The following RANBP2 variants were observed in gnomAD, a reference collection of about 807,000 sequenced individuals.
RANBP2 encodes E3 SUMO-protein ligase RanBP2.
In RANBP2, 57 loss-of-function variants were observed where a neutral mutation model predicts 303.6. The ratio of observed to expected loss-of-function variants is 0.19; its 90% confidence interval spans 0.15 to 0.23. The LOEUF is 0.23. RANBP2 is among the 10% of genes least tolerant of loss of function. The pLI, the probability that RANBP2 is intolerant of heterozygous loss-of-function variation, is 1.00. For missense variants in RANBP2, 3,138 were observed against 3,780.8 expected (o/e 0.83, Z 4.46); for synonymous variants, 1,167 against 1,301.5 (o/e 0.90, Z 2.23).
chr2:109,320,715 G>A, the RANBP2 span, among the ~76,000 whole-genome samples: 36,759 of 152,130 alleles, frequency 0.24, 5,494 homozygotes, highest in East Asian at 0.66. Context: ...TATCAGCCCC[G>A]CAGATGAACA....
the RANBP2 span, among the ~76,000 whole-genome samples, chr2:109,581,186 T>C: frequency 3.9e-5 from 6 of 152,164 alleles, no homozygotes; most frequent in African/African-American, 1.4e-4. Flanking sequence ...ACGCCTGTAA[T>C]CCCAGCACTT....
At position 108,766,733 on chromosome 2, in the gene RANBP2, A is replaced by G; in HGVS notation, c.6194A>G (p.Asn2065Ser). 1 of 1,612,004 alleles carries G rather than the reference A, an allele frequency of 6.2e-7. No individual in the cohort carries two copies. Residue 2065 changes from asparagine to serine, a missense_variant, in exon 20 of 29, where the codon AAC becomes AGC. Asn to Ser is a conservative substitution (Grantham distance 46). This residue lies in a region of RANBP2 where 103 missense variants were observed against 214.3 expected (regional missense o/e 0.48). Transcript: ENST00000283195. ...RGLGNLKILK[N>S]EVNGKLRMLM... Reference sequence around the variant, plus strand: ...TTGGGGAACTTAAAAATTCTCAAAAACGAGGTCAATGGCAAACTAAGAATG... The same window carrying G: ...TTGGGGAACTTAAAAATTCTCAAAAGCGAGGTCAATGGCAAACTAAGAATG...
chr2:109,408,643 A>G, the RANBP2 span, among the ~76,000 whole-genome samples: 2 of 152,350 alleles, frequency 1.3e-5, no homozygotes, highest in Admixed American at 1.3e-4. Context: ...AATGCCCCGC[A>G]CTGGCACTCT....
chr2:108,806,243 A>T, the RANBP2 span, among the ~76,000 whole-genome samples: 1 of 152,160 alleles, frequency 6.6e-6, no homozygotes, highest in Non-Finnish European at 1.5e-5. Flanking sequence ...GCTCTTTCTC[A>T]TTACAGTCTC....
the RANBP2 span, chr2:108,816,139 A>G: frequency 6.7e-7 from 1 of 1,491,622 alleles, no homozygotes; most frequent in Non-Finnish European, 9.2e-7. Context: ...GTGATTCAGA[A>G]TATATGAAGA....
the RANBP2 span, among the ~76,000 whole-genome samples, chr2:109,142,187 T>C: frequency 6.6e-6 from 1 of 152,156 alleles, no homozygotes; most frequent in African/African-American, 2.4e-5. Context: ...TCCAGCCCCC[T>C]GGGCGGACTC....
the RANBP2 span, among the ~76,000 whole-genome samples, chr2:109,606,426 A>G: frequency 6.6e-6 from 1 of 152,150 alleles, no homozygotes; most frequent in Non-Finnish European, 1.5e-5. Flanking sequence ...AAAACAAAAA[A>G]TAAAAAATAA....
At position 108,783,746 on chromosome 2, in the gene RANBP2, A is replaced by G; in HGVS notation, c.9520A>G (p.Ile3174Val). ...GAATACCAATAATTCTCAATTTGTTATAACACTGAAGAAAGCAGAACATTT... is the reference window on the plus strand; with the variant it reads ...GAATACCAATAATTCTCAATTTGTTGTAACACTGAAGAAAGCAGAACATTT... ...GQNTNNSQFVITLKKAEHLDF... is the reference protein window; with the variant it reads ...GQNTNNSQFVVTLKKAEHLDF... The change falls in exon 29 of 29, where the codon ATA becomes GTA. Residue 3174 changes from isoleucine (I) to valine (V), a missense_variant. Physicochemically the swap from Ile to Val is conservative, Grantham distance 29 (BLOSUM62 3). Coordinates refer to ENST00000283195, the MANE Select transcript of RANBP2 (RefSeq NM_006267.5). The G allele has an allele frequency of 5.0e-6, 8 of 1,613,418 alleles. No homozygotes were observed. The highest frequency in any genetic ancestry group is 6.8e-6 in the Non-Finnish European group (8 of 1,179,372).
At chr2:109,629,345 ATATATATATATTTTTT>A in the RANBP2 span, among the ~76,000 whole-genome samples, 92 of 6,618 alleles carry the variant, frequency 0.014, 2 homozygotes, top group African/African-American at 0.046. Context: ...ATATATATAT[ATATATATATATTTTTT>A]TTTTTTTTTT....
the RANBP2 span, among the ~76,000 whole-genome samples, chr2:109,682,776 T>TA: frequency 1.3e-5 from 2 of 152,114 alleles, no homozygotes; most frequent in African/African-American, 4.8e-5. Context: ...CCATCTCTAT[T>TA]ATTTATATAT....
chr2:109,676,418 CA>C, the RANBP2 span, among the ~76,000 whole-genome samples: 4 of 152,186 alleles, frequency 2.6e-5, no homozygotes, highest in African/African-American at 9.7e-5. Context: ...ATGTACCTGA[CA>C]AGTGCAGACA....
the RANBP2 span, among the ~76,000 whole-genome samples, chr2:109,422,999 C>A: frequency 6.6e-6 from 1 of 152,126 alleles, no homozygotes; most frequent in Non-Finnish European, 1.5e-5. Context: ...CTGAGAGCAA[C>A]GGAACTCTTG....
the RANBP2 span, chr2:109,615,355 G>A: frequency 1.2e-6 from 2 of 1,612,556 alleles, no homozygotes; most frequent in Admixed American, 1.7e-5. Flanking sequence ...TTGCTCACCT[G>A]CGAGCCCGGC....
chr2:109,205,417 T>G, the RANBP2 span, among the ~76,000 whole-genome samples: 2 of 152,006 alleles, frequency 1.3e-5, no homozygotes, highest in Admixed American at 1.3e-4. Context: ...TTGTTTTTGT[T>G]TTTTGTATTT....
chr2:108,910,867 G>T, the RANBP2 span: 2 of 1,614,132 alleles, frequency 1.2e-6, no homozygotes, highest in Admixed American at 3.3e-5. Context: ...AGAGAGGAGG[G>T]AGTGAGCAGC....
At chr2:109,320,637 G>A in the RANBP2 span, among the ~76,000 whole-genome samples, 1 of 152,186 alleles carries the variant, frequency 6.6e-6, no homozygotes, top group South Asian at 2.1e-4. Context: ...CTGGATTCCA[G>A]CTCTATAACA....
At chr2:109,292,464 G>C in the RANBP2 span, among the ~76,000 whole-genome samples, 1 of 152,174 alleles carries the variant, frequency 6.6e-6, no homozygotes, top group African/African-American at 2.4e-5. Flanking sequence ...ATATTTCATA[G>C]CTGTGGAAGA....
the RANBP2 span, among the ~76,000 whole-genome samples, chr2:109,505,574 G>A: frequency 6.6e-6 from 1 of 152,176 alleles, no homozygotes; most frequent in Non-Finnish European, 1.5e-5. Flanking sequence ...AGTCACTGGG[G>A]AGGTAGCTGC....
At chr2:109,597,161 G>A in the RANBP2 span, among the ~76,000 whole-genome samples, 4 of 152,120 alleles carry the variant, frequency 2.6e-5, no homozygotes, top group Admixed American at 2.0e-4. Context: ...GGCTGGTCTC[G>A]AACTCCTGAG....
Sources: gnomAD v4.1 joint callset for allele counts (sites outside exome capture counted in the v4.1 genomes callset) on GRCh38, gnomAD v4.1.1 for gene constraint, gnomAD v4.1.1 regional missense constraint, MANE v1.5 for transcripts, NCBI Gene and HGNC (gene_info 2026-07-23, HGNC 2026-07-21) for gene names.